SEPTIN9: variants seen among roughly 807,000 people sequenced by gnomAD.
SEPTIN9 encodes the protein septin 9, also known as septin-9.
SEPTIN9 carries 13 observed loss-of-function variants against 56.6 expected under a neutral mutation model. That is an observed-to-expected ratio of 0.23 (90% CI 0.15 to 0.37). The LOEUF is 0.37. SEPTIN9 is among the 10% of genes least tolerant of loss of function. The pLI, the probability that SEPTIN9 is intolerant of heterozygous loss-of-function variation, is 1.00. For missense variants in SEPTIN9, 650 were observed against 823.1 expected, an observed-to-expected ratio of 0.79 and a Z score of 2.57; for synonymous variants, 332 against 334.1, an observed-to-expected ratio of 0.99 and a Z score of 0.07.
At chr17:77,497,061 C>A in intron 10 of SEPTIN9, 1 of 568,358 alleles carries the variant, frequency 1.8e-6, no homozygotes, top group Non-Finnish European at 3.1e-6. Context: ...TAGCCAGGAA[C>A]TTTCTGGAGA....
chr17:77,491,413 G>A (rs2143396507), intron 8 of SEPTIN9, among the ~76,000 whole-genome samples: 1 of 151,972 alleles, frequency 6.6e-6, no homozygotes, highest in South Asian at 2.1e-4. Context: ...GCCCAGGCTG[G>A]TCTCTAACCC....
intron 2 of SEPTIN9, among the ~76,000 whole-genome samples, chr17:77,349,339 A>G (rs770682462): frequency 1.3e-5 from 2 of 152,022 alleles, no homozygotes; most frequent in Non-Finnish European, 2.9e-5. Flanking sequence ...CTGGTCTCGA[A>G]CTCCTGACCT....
chr17:77,484,376 G>T (rs913666360), intron 4 of SEPTIN9, among the ~76,000 whole-genome samples: 1 of 151,044 alleles, frequency 6.6e-6, no homozygotes, highest in Non-Finnish European at 1.5e-5. Flanking sequence ...GGGTGATGGG[G>T]ATGGTGGTGG....
rs2040440904 is a variant in SEPTIN9 at position 77,500,137 on chromosome 17, G to A, written c.*1479G>A. On this transcript the variant is annotated 3_prime_UTR_variant, in exon 12 of 12. Transcript: ENST00000427177. ...GCAGGCACCGGGCTGGCTGCTTGCA[G>A]CCAGGAGAAGGTCAGCGAGAAGGAG... 4.3e-6 allele frequency: 1 copy of A among 233,308 alleles called. No homozygotes were observed. The highest frequency in any genetic ancestry group is 8.5e-6 in the Non-Finnish European group (1 of 118,128). The allele number at this position is 233,308 out of a possible 1,614,324, so 14.5% of individuals were successfully genotyped here.
chr17:77,321,138 T>A (rs2032904323), intron 2 of SEPTIN9, among the ~76,000 whole-genome samples: 2 of 152,222 alleles, frequency 1.3e-5, no homozygotes, highest in African/African-American at 4.8e-5. Flanking sequence ...CTGCCGCTCA[T>A]GCCGCCCTCT....
At chr17:77,301,925 C>A (rs1354547546) in intron 1 of SEPTIN9, among the ~76,000 whole-genome samples, 1 of 152,298 alleles carries the variant, frequency 6.6e-6, no homozygotes, top group South Asian at 2.1e-4. Context: ...CAGCCCCATC[C>A]CTGCTCTGCC....
chr17:77,383,434 G>A (rs759982555), intron 2 of SEPTIN9, among the ~76,000 whole-genome samples: 7 of 151,956 alleles, frequency 4.6e-5, no homozygotes, highest in Non-Finnish European at 5.9e-5. Context: ...CTGGAAGGCC[G>A]GCCCGGGTCC....
Position 77,499,874 on chromosome 17 carries a change from C to T in SEPTIN9, c.*1216C>T. Reference sequence around the variant, plus strand: ...CCCCTCAGAGCCCATGGTAACGAACCCCTAGAAAGGAGAGAACGGGCGTCA... The same window carrying T: ...CCCCTCAGAGCCCATGGTAACGAACTCCTAGAAAGGAGAGAACGGGCGTCA... On this transcript the variant is annotated 3_prime_UTR_variant, in exon 12 of 12. Coordinates refer to ENST00000427177, the MANE Select transcript of SEPTIN9 (RefSeq NM_001113491.2). The T allele has an allele frequency of 3.5e-6, 1 of 289,036 alleles. No individual in the cohort carries two copies. The highest frequency in any genetic ancestry group is 6.6e-6 in the Non-Finnish European group (1 of 151,382). The allele number at this position is 289,036 out of a possible 1,614,324, so 17.9% of individuals were successfully genotyped here.
At chr17:77,438,015 G>C (rs866362289) in intron 3 of SEPTIN9, among the ~76,000 whole-genome samples, 4 of 152,356 alleles carry the variant, frequency 2.6e-5, no homozygotes, top group South Asian at 2.1e-4. Flanking sequence ...AGCAGCCCAC[G>C]ACACATCTGC....
chr17:77,419,036 A>G (rs977600059), intron 3 of SEPTIN9, among the ~76,000 whole-genome samples: 2 of 152,154 alleles, frequency 1.3e-5, no homozygotes, highest in Admixed American at 6.5e-5. Context: ...TAGGCACCCT[A>G]CAACCTGCTT....
At chr17:77,485,001 A>ATTGTGAT (rs1568112360) in intron 4 of SEPTIN9, among the ~76,000 whole-genome samples, 2 of 1,138 alleles carry the variant, frequency 1.8e-3, no homozygotes, top group Non-Finnish European at 3.3e-3. Flanking sequence ...ATGGTGGTGA[A>ATTGTGAT]GGGGGTGATG....
At chr17:77,336,678 A>G (rs2033562972) in intron 2 of SEPTIN9, among the ~76,000 whole-genome samples, 1 of 152,094 alleles carries the variant, frequency 6.6e-6, no homozygotes, top group Non-Finnish European at 1.5e-5. Context: ...TTAAATACAT[A>G]GTTTTACTTC....
rs796282212 is a variant in SEPTIN9 at position 77,458,753 on chromosome 17, G to A, written c.722-23391G>A. ...TGGGGAGCAGGAGCATGCAAGATGG[G>A]CATTCCTGAAGTTTCTGATCCAGTG... is the stretch of plus-strand genomic sequence containing the variant. On this transcript the variant is annotated intron_variant, in intron 3 of 11. Transcript: ENST00000427177. 4.6e-5 allele frequency among the ~76,000 whole-genome samples: 7 copies of A among 152,290 alleles called. 2 individuals are homozygous for A. Among genetic ancestry groups the A allele is most frequent in the African/African-American group, 1.7e-4 (7 of 41,560 alleles).
chr17:77,384,842 A>AACACACACACACACACACAC (rs146495461), intron 2 of SEPTIN9, among the ~76,000 whole-genome samples: 12 of 142,256 alleles, frequency 8.4e-5, no homozygotes, highest in African/African-American at 2.4e-4. Flanking sequence ...AACCTGTTTA[A>AACACACACACACACACACAC]ACACACACAC....
At chr17:77,472,845 G>A (rs1216002722) in intron 3 of SEPTIN9, 6 of 152,198 alleles carry the variant, frequency 3.9e-5, no homozygotes, top group Non-Finnish European at 7.4e-5. Context: ...CAAATTAGAT[G>A]AGCTGTGTGC....
chr17:77,392,203 G>T (rs1366276516), intron 2 of SEPTIN9, among the ~76,000 whole-genome samples: 1 of 152,162 alleles, frequency 6.6e-6, no homozygotes. Flanking sequence ...CTCTTGGGTG[G>T]GGCTGTGATG....
In SEPTIN9 at chr17:77,373,356, G is replaced by C. The variant is rs753966901; in HGVS notation, c.77-28703G>C. On this transcript the variant is annotated intron_variant, in intron 2 of 11. Transcript: ENST00000427177. ...TCCCCCATTCATTCAGCTGAGCCAG[G>C]GGGCCTAGGGGCTCCTCCGGCGGCT... 4.2e-6 allele frequency: 5 copies of C among 1,191,022 alleles called. No homozygotes were observed. The South Asian group carries it at 2.0e-4, about 47-fold the overall frequency. 73.8% of individuals were successfully genotyped at this position (1,191,022 alleles called of 1,614,324 possible). A position where few individuals can be genotyped will look rare whatever the true frequency, so the allele number is the denominator to read the frequency against.
intron 1 of SEPTIN9, among the ~76,000 whole-genome samples, chr17:77,300,841 C>T (rs1275443156): frequency 8.1e-6 from 1 of 123,274 alleles, no homozygotes; most frequent in Non-Finnish European, 1.7e-5. Flanking sequence ...TCAAAGCGCC[C>T]CCACCCCAGG....
intron 2 of SEPTIN9, chr17:77,373,662 G>GA: frequency 6.8e-7 from 1 of 1,467,934 alleles, no homozygotes; most frequent in Non-Finnish European, 9.1e-7. Flanking sequence ...GCGCTGAGGG[G>GA]AGACGGGACC....
Sources: gnomAD v4.1 joint callset for allele counts (sites outside exome capture counted in the v4.1 genomes callset) on GRCh38, gnomAD v4.1.1 for gene constraint, MANE v1.5 for transcripts, NCBI Gene and HGNC (gene_info 2026-07-23, HGNC 2026-07-21) for gene names.